The following RGS8 variants were observed in gnomAD, a reference collection of about 807,000 sequenced individuals.
RGS8 encodes regulator of G-protein signaling 8.
In RGS8, 8 loss-of-function variants were observed where a neutral mutation model predicts 21.7. The observed-to-expected ratio is 0.37, with a 90% confidence interval of 0.22 to 0.66. RGS8 has a LOEUF of 0.66. Among genes scored for constraint, RGS8 ranks in the 30% least tolerant of loss-of-function variants. The probability of loss-of-function intolerance (pLI) is 0.59; values close to 1 mark genes in which losing one functional copy is unlikely to be tolerated. For synonymous variants in RGS8, 80 were observed against 83.6 expected, an observed-to-expected ratio of 0.96 and a Z score of 0.24; for missense variants, 157 against 217.9, an observed-to-expected ratio of 0.72 and a Z score of 1.76.
chr1:182,729,394 T>G, the RGS8 span, among the ~76,000 whole-genome samples: 1 of 152,212 alleles, frequency 6.6e-6, no homozygotes, highest in Non-Finnish European at 1.5e-5. Context: ...CACTGATTAT[T>G]GGCAAAAGTG....
At chr1:182,751,127 C>G in the RGS8 span, among the ~76,000 whole-genome samples, 1 of 152,124 alleles carries the variant, frequency 6.6e-6, no homozygotes, top group Admixed American at 6.5e-5. Context: ...GCAGGGGAAG[C>G]AACTTCATTT....
chr1:182,713,262 C>T, the RGS8 span, among the ~76,000 whole-genome samples: 1 of 152,148 alleles, frequency 6.6e-6, no homozygotes, highest in Non-Finnish European at 1.5e-5. Flanking sequence ...CGGCTCACTG[C>T]AACCTCCAGC....
upstream of RGS8, among the ~76,000 whole-genome samples, chr1:182,689,292 C>T: frequency 6.6e-6 from 1 of 150,500 alleles, no homozygotes; most frequent in South Asian, 2.1e-4. Context: ...CACACACACA[C>T]ACACACACAC....
At chr1:182,735,063 A>G in the RGS8 span, among the ~76,000 whole-genome samples, 2 of 152,216 alleles carry the variant, frequency 1.3e-5, no homozygotes, top group African/African-American at 4.8e-5. Flanking sequence ...TTGAAATTCA[A>G]TGTGTAATTT....
chr1:182,646,762 C>A, exon 7 of RGS8: 1 of 1,613,970 alleles, frequency 6.2e-7, no homozygotes, highest in Non-Finnish European at 8.5e-7. Flanking sequence ...GGCTTTGGGA[C>A]AGCAGATCTA....
chr1:182,692,428 A>G, the RGS8 span, among the ~76,000 whole-genome samples: 42 of 152,238 alleles, frequency 2.8e-4, no homozygotes, highest in Admixed American at 2.0e-3. Flanking sequence ...GAGGTGAAAG[A>G]TCTCTACAAT....
rs1663330352 is a variant in RGS8 at position 182,657,258 on chromosome 1, C to G, written c.193+8711G>C. On this transcript the variant is annotated intron_variant, in intron 5 of 6. Coordinates refer to ENST00000483095, the Ensembl canonical transcript of RGS8. ...GCGAGCTTTTCATCTGCTCCTTTCCCTGACTCCTCAGCATCTTTCCCTGCC... is the reference window on the plus strand; with the variant it reads ...GCGAGCTTTTCATCTGCTCCTTTCCGTGACTCCTCAGCATCTTTCCCTGCC... 3.3e-5 allele frequency among the ~76,000 whole-genome samples: 5 copies of G among 152,300 alleles called. No homozygotes were observed. The South Asian group carries it at 1.0e-3, about 32-fold the overall frequency.
the RGS8 span, among the ~76,000 whole-genome samples, chr1:182,746,386 G>A: frequency 6.6e-6 from 1 of 152,168 alleles, no homozygotes; most frequent in Non-Finnish European, 1.5e-5. Context: ...AAACTTCCAG[G>A]TGGGGTGCAG....
the RGS8 span, among the ~76,000 whole-genome samples, chr1:182,691,557 C>T: frequency 2.3e-5 from 3 of 131,878 alleles, no homozygotes; most frequent in African/African-American, 8.5e-5. Context: ...ACATGATCAT[C>T]TCAATAGATG....
At chr1:182,653,421 C>T (rs900030359) in intron 5 of RGS8, among the ~76,000 whole-genome samples, 4 of 150,802 alleles carry the variant, frequency 2.7e-5, no homozygotes, top group East Asian at 3.9e-4. Flanking sequence ...TAGGGCCAGG[C>T]GCAGTTGCTC....
the RGS8 span, among the ~76,000 whole-genome samples, chr1:182,716,641 C>G: frequency 3.9e-5 from 6 of 151,972 alleles, no homozygotes; most frequent in Non-Finnish European, 8.8e-5. Flanking sequence ...AAACAGAAAG[C>G]TACAGAAATT....
the RGS8 span, among the ~76,000 whole-genome samples, chr1:182,730,955 A>G: frequency 2.0e-5 from 3 of 152,194 alleles, no homozygotes; most frequent in African/African-American, 7.2e-5. Flanking sequence ...AAATCACTGC[A>G]TGGCACTGAA....
the RGS8 span, among the ~76,000 whole-genome samples, chr1:182,703,868 A>C: frequency 2.6e-5 from 4 of 152,246 alleles, no homozygotes; most frequent in African/African-American, 9.6e-5. Context: ...AATTTGTAGG[A>C]GTTAAACCAC....
chr1:182,739,278 G>A, the RGS8 span, among the ~76,000 whole-genome samples: 31 of 152,284 alleles, frequency 2.0e-4, no homozygotes, highest in Non-Finnish European at 2.6e-4. Context: ...CTTAACGTGA[G>A]AGAAAAAGAA....
chr1:182,742,600 G>C, the RGS8 span, among the ~76,000 whole-genome samples: 1 of 152,358 alleles, frequency 6.6e-6, no homozygotes, highest in Non-Finnish European at 1.5e-5. Context: ...CCAGTCAGGC[G>C]TGGTGGCGCG....
intron 3 of RGS8, 120 bp from the exon 5 acceptor site, chr1:182,667,093 T>A (rs1557894894): frequency 2.6e-6 from 2 of 781,426 alleles, no homozygotes; most frequent in East Asian, 5.0e-5. Flanking sequence ...CTTCCCCAGG[T>A]GGTCTCTGAA....
intron 2 of RGS8, among the ~76,000 whole-genome samples, chr1:182,671,107 T>C (rs1664136194): frequency 6.6e-6 from 1 of 152,206 alleles, no homozygotes; most frequent in South Asian, 2.1e-4. Context: ...GCCTTGTCTC[T>C]CTTCCCATTC....
the RGS8 span, among the ~76,000 whole-genome samples, chr1:182,731,157 C>G: frequency 1.3e-5 from 2 of 152,222 alleles, no homozygotes; most frequent in Admixed American, 6.5e-5. Flanking sequence ...TGGATCCCCA[C>G]GTGGCAACAC....
chr1:182,716,365 A>G, the RGS8 span, among the ~76,000 whole-genome samples: 1 of 152,088 alleles, frequency 6.6e-6, no homozygotes, highest in African/African-American at 2.4e-5. Flanking sequence ...AGCTCAGCCA[A>G]TCTGCCCACC....
Sources: gnomAD v4.1 joint callset for allele counts (sites outside exome capture counted in the v4.1 genomes callset) on GRCh38, gnomAD v4.1.1 for gene constraint, MANE v1.5 for transcripts, NCBI Gene and HGNC (gene_info 2026-07-23, HGNC 2026-07-21) for gene names.